The following PPP1R9A variants were observed in gnomAD, a reference collection of about 807,000 sequenced individuals.
PPP1R9A encodes protein phosphatase 1 regulatory subunit 9A.
A neutral mutation model predicts 141.9 loss-of-function variants in PPP1R9A; 59 were observed. The observed-to-expected ratio is 0.42, with a 90% CI of 0.34 to 0.52. PPP1R9A has a LOEUF of 0.52. PPP1R9A is among the 20% of genes least tolerant of loss of function. The pLI, the probability that PPP1R9A is intolerant of heterozygous loss-of-function variation, is 0.10. For synonymous variants in PPP1R9A, 500 were observed against 569.7 expected, an observed-to-expected ratio of 0.88 and a Z score of 1.74; for missense variants, 1,444 against 1,611.9, an observed-to-expected ratio of 0.90 and a Z score of 1.78.
At chr7:95,226,403 A>C (rs930993271) in intron 8 of PPP1R9A, among the ~76,000 whole-genome samples, 1 of 152,214 alleles carries the variant, frequency 6.6e-6, no homozygotes, top group Non-Finnish European at 1.5e-5. Context: ...TCAGTTTTAC[A>C]GAAGTTTTGG....
chr7:94,964,692 C>T (rs1307384744), intron 2 of PPP1R9A, among the ~76,000 whole-genome samples: 1 of 152,180 alleles, frequency 6.6e-6, no homozygotes, highest in Non-Finnish European at 1.5e-5. Context: ...GCATAGTATT[C>T]CATGGTATAT....
intron 2 of PPP1R9A, among the ~76,000 whole-genome samples, chr7:94,979,817 G>T (rs1799871908): frequency 6.6e-6 from 1 of 152,174 alleles, no homozygotes; most frequent in South Asian, 2.1e-4. Context: ...CCAAATGCTA[G>T]TTTGGTGGTG....
chr7:95,086,316 A>C (rs555006950), intron 2 of PPP1R9A, among the ~76,000 whole-genome samples: 86 of 152,184 alleles, frequency 5.7e-4, no homozygotes, highest in Non-Finnish European at 9.7e-4. Flanking sequence ...TTTTATAGGT[A>C]GTTTAAATCA....
chr7:94,964,743 A>G (rs854719), intron 2 of PPP1R9A, among the ~76,000 whole-genome samples: 7,626 of 152,244 alleles, frequency 0.05, 245 homozygotes, highest in Middle Eastern at 0.078. Context: ...ATTGATGGGC[A>G]TTTGGGTTGG....
At chr7:95,193,124 A>C (rs1487460848) in intron 5 of PPP1R9A, among the ~76,000 whole-genome samples, 1 of 152,086 alleles carries the variant, frequency 6.6e-6, no homozygotes, top group African/African-American at 2.4e-5. Flanking sequence ...GTTTGGTTCC[A>C]CTTCTGTGTG....
chr7:95,230,588 A>G (rs1209738277), intron 8 of PPP1R9A, among the ~76,000 whole-genome samples: 1 of 152,118 alleles, frequency 6.6e-6, no homozygotes, highest in Non-Finnish European at 1.5e-5. Flanking sequence ...AAATTAACCC[A>G]GTCCACCAAA....
At chr7:95,178,910 A>T (rs1433679505) in intron 5 of PPP1R9A, among the ~76,000 whole-genome samples, 1 of 152,188 alleles carries the variant, frequency 6.6e-6, no homozygotes, top group Non-Finnish European at 1.5e-5. Flanking sequence ...AGAAATGTCC[A>T]GGACCAGAGA....
intron 2 of PPP1R9A, among the ~76,000 whole-genome samples, chr7:95,087,551 G>T (rs976549042): frequency 6.6e-6 from 1 of 152,000 alleles, no homozygotes; most frequent in Non-Finnish European, 1.5e-5. Flanking sequence ...ATAGTAAAAG[G>T]ATAGATGTCT....
chr7:94,907,779 G>A (rs1203398000), intron 1 of PPP1R9A, 77 bp downstream of exon 1: 1 of 151,616 alleles, frequency 6.6e-6, no homozygotes, highest in Non-Finnish European at 1.5e-5. Context: ...GAAACGGCCC[G>A]GCGTGGCGAC....
chr7:95,117,065 A>AT (rs1453993860), intron 3 of PPP1R9A, among the ~76,000 whole-genome samples: 1 of 152,236 alleles, frequency 6.6e-6, no homozygotes, highest in African/African-American at 2.4e-5. Context: ...AAATGACTGC[A>AT]TATATCATCT....
At chr7:95,159,280 C>G (rs1017016705) in intron 4 of PPP1R9A, among the ~76,000 whole-genome samples, 3 of 152,014 alleles carry the variant, frequency 2.0e-5, no homozygotes, top group Non-Finnish European at 4.4e-5. Flanking sequence ...ATGAAGCAAA[C>G]TAAGTTGCAA....
intron 2 of PPP1R9A, among the ~76,000 whole-genome samples, chr7:94,937,227 C>G (rs1322268763): frequency 6.6e-6 from 1 of 152,086 alleles, no homozygotes; most frequent in African/African-American, 2.4e-5. Flanking sequence ...CTTTCTTGTC[C>G]TCCAAGCTCT....
At chr7:95,222,556 A>G (rs1025998539) in intron 7 of PPP1R9A, among the ~76,000 whole-genome samples, 1 of 152,032 alleles carries the variant, frequency 6.6e-6, no homozygotes, top group Non-Finnish European at 1.5e-5. Context: ...AGGTAAAGAC[A>G]TGAAAGGGAA....
At chr7:94,950,910 G>A (rs1489275297) in intron 2 of PPP1R9A, among the ~76,000 whole-genome samples, 1 of 151,924 alleles carries the variant, frequency 6.6e-6, no homozygotes, top group East Asian at 1.9e-4. Context: ...ACCTCACTGG[G>A]CTAATTTTTG....
At chr7:95,238,521 T>A (rs1329398704) in intron 8 of PPP1R9A, among the ~76,000 whole-genome samples, 1 of 152,162 alleles carries the variant, frequency 6.6e-6, no homozygotes, top group Non-Finnish European at 1.5e-5. Flanking sequence ...TCCAAAGACA[T>A]CTGCAACTAC....
intron 2 of PPP1R9A, among the ~76,000 whole-genome samples, chr7:94,965,990 T>C (rs1798170039): frequency 6.6e-6 from 1 of 152,232 alleles, no homozygotes; most frequent in Non-Finnish European, 1.5e-5. Flanking sequence ...TCCTCTCTTA[T>C]TTCCTTGAGC....
chr7:95,141,510 T>C (rs1826678826), intron 4 of PPP1R9A, among the ~76,000 whole-genome samples: 1 of 152,162 alleles, frequency 6.6e-6, no homozygotes, highest in Non-Finnish European at 1.5e-5. Flanking sequence ...AACAGTCACT[T>C]TCCTTTCCCC....
intron 8 of PPP1R9A, among the ~76,000 whole-genome samples, chr7:95,237,180 T>TA (rs369840738): frequency 0.17 from 22,099 of 133,080 alleles, 2,055 homozygotes; most frequent in African/African-American, 0.27. Flanking sequence ...TATATATATA[T>TA]TTTTTTTTTT....
intron 4 of PPP1R9A, among the ~76,000 whole-genome samples, chr7:95,158,956 A>G (rs1475509019): frequency 6.6e-6 from 1 of 152,200 alleles, no homozygotes; most frequent in Non-Finnish European, 1.5e-5. Flanking sequence ...AGTATTCCTG[A>G]GGGCATGGAG....
Sources: gnomAD v4.1 joint callset for allele counts (sites outside exome capture counted in the v4.1 genomes callset) on GRCh38, gnomAD v4.1.1 for gene constraint, MANE v1.5 for transcripts, NCBI Gene and HGNC (gene_info 2026-07-23, HGNC 2026-07-21) for gene names.